SH3GL1: variants seen among roughly 807,000 people sequenced by gnomAD.
SH3GL1 encodes the protein SH3 domain containing GRB2 like 1, endophilin A2.
A neutral mutation model predicts 48.8 loss-of-function variants in SH3GL1; 21 were observed. That is an observed-to-expected ratio of 0.43 (90% confidence interval 0.30 to 0.62). SH3GL1 has a LOEUF of 0.62. Ranked by LOEUF, SH3GL1 falls within the 20% of genes least tolerant of loss-of-function variation. The probability of loss-of-function intolerance (pLI) is 0.11; values close to 1 mark genes in which losing one functional copy is unlikely to be tolerated. For synonymous variants in SH3GL1, 282 were observed against 217.5 expected (o/e 1.30, Z -2.61); for missense variants, 454 against 503.0 (o/e 0.90, Z 0.93).
chr19:4,385,874 C>T (rs1437466292), intron 1 of SH3GL1, among the ~76,000 whole-genome samples: 2 of 152,242 alleles, frequency 1.3e-5, no homozygotes, highest in Admixed American at 6.5e-5. Flanking sequence ...ACCCACACTA[C>T]GCTCAGCCAG....
chr19:4,373,823 T>C (rs1972950914), intron 1 of SH3GL1, among the ~76,000 whole-genome samples: 1 of 152,164 alleles, frequency 6.6e-6, no homozygotes, highest in African/African-American at 2.4e-5. Context: ...GCCACAGACT[T>C]CCTGGCCAGA....
intron 1 of SH3GL1, among the ~76,000 whole-genome samples, chr19:4,382,763 C>A (rs1340602349): frequency 6.6e-6 from 1 of 152,136 alleles, no homozygotes; most frequent in Non-Finnish European, 1.5e-5. Context: ...CATCACTTCT[C>A]GTTATTCGTG....
rs372317180 is a variant in SH3GL1 at position 4,365,669 on chromosome 19, C to A, written c.188-44G>T. The A allele has an allele frequency of 4.3e-6, 7 of 1,610,240 alleles. No individual in the cohort carries two copies. The South Asian group carries it at 6.6e-5, about 15-fold the overall frequency. ...GTGGGTGTGGGCTGTGAGGCCTGCA[C>A]TCCTCTGCCCTGGCAGACTGCAGCC... On this transcript the variant is annotated intron_variant, in intron 3 of 9. Transcript: ENST00000269886.
chr19:4,397,733 T>A lies in SH3GL1; in HGVS notation c.45+2591A>T, dbSNP rs1473310631. ...GGCAAGGGGGTGGGACTGTTCTCAG[T>A]GACAACTCTAAAATTCGTCTGGATT... On this transcript the variant is annotated intron_variant, in intron 1 of 9. Coordinates refer to ENST00000269886, the MANE Select transcript of SH3GL1 (RefSeq NM_003025.4). 2.6e-5 allele frequency among the ~76,000 whole-genome samples: 4 copies of A among 152,216 alleles called. No individual in the cohort carries two copies. The East Asian group carries it at 7.7e-4, about 29-fold the overall frequency.
intron 1 of SH3GL1, among the ~76,000 whole-genome samples, chr19:4,399,942 GACGCA>G (rs2144937471): frequency 6.6e-6 from 1 of 152,320 alleles, no homozygotes; most frequent in South Asian, 2.1e-4. Context: ...AACTGCTCTA[GACGCA>G]ACTTTTCCCT....
Position 4,376,463 on chromosome 19 carries a change from G to A in SH3GL1, c.46-9469C>T, listed in dbSNP as rs866688112. On this transcript the variant is annotated intron_variant, in intron 1 of 9. Transcript: ENST00000269886. This position sits in a 1 kb window ranked among gnomAD's most constrained non-coding sequence, Gnocchi z 4.3. ...TTGGCCTCCAGTGCTTGCCTCTCCC[G>A]TGTCCTATCCGCCCAGACCTCAGAC... Among the ~76,000 whole-genome samples, 5 of 152,166 alleles carry A rather than the reference G, an allele frequency of 3.3e-5. No individual in the cohort carries two copies. The South Asian group carries it at 6.2e-4, about 19-fold the overall frequency.
At chr19:4,394,817 T>C (rs1973397005) in intron 1 of SH3GL1, among the ~76,000 whole-genome samples, 2 of 152,234 alleles carry the variant, frequency 1.3e-5, no homozygotes, top group African/African-American at 4.8e-5. Context: ...TCAACTCTAC[T>C]GACGTAGGGC....
intron 2 of SH3GL1, 40 bp from the exon 3 acceptor site, chr19:4,366,613 G>A: frequency 1.9e-6 from 3 of 1,576,858 alleles, no homozygotes; most frequent in Non-Finnish European, 2.6e-6. Context: ...ACAGCCAGTG[G>A]GGGCCCAAGG....
chr19:4,379,858 C>A (rs556944852), intron 1 of SH3GL1, among the ~76,000 whole-genome samples: 36 of 152,310 alleles, frequency 2.4e-4, no homozygotes, highest in African/African-American at 8.7e-4. Flanking sequence ...CAGCCCTGCC[C>A]CCCAAGGCTT....
rs1973294505 is a variant in SH3GL1, at chr19:4,389,412, T to G, written c.45+10912A>C. 6.8e-6 allele frequency among the ~76,000 whole-genome samples: 1 copy of G among 146,102 alleles called. No individual in the cohort carries two copies. Among genetic ancestry groups the G allele is most frequent in the African/African-American group, 2.6e-5 (1 of 39,204 alleles). Reference sequence around the variant, plus strand: ...GGGCAGACAGGAAGTGGAGAGAAAATGAGGTTGGGAGGTAGGAGAGGCCGG... The same window carrying G: ...GGGCAGACAGGAAGTGGAGAGAAAAGGAGGTTGGGAGGTAGGAGAGGCCGG... On this transcript the variant is annotated intron_variant, in intron 1 of 9. Coordinates refer to ENST00000269886, the MANE Select transcript of SH3GL1 (RefSeq NM_003025.4). This position sits in a 1 kb window ranked among gnomAD's most constrained non-coding sequence, Gnocchi z 4.5.
In SH3GL1 at chr19:4,361,475, G is replaced by T. The variant is rs920569125; in HGVS notation, c.*125C>A. On this transcript the variant is annotated 3_prime_UTR_variant, in exon 10 of 10. Coordinates refer to ENST00000269886, the MANE Select transcript of SH3GL1 (RefSeq NM_003025.4). The stretch of plus-strand genomic sequence containing the variant: ...CTGCTCAGGGAGTACCTCAAGGGCC[G>T]GGGCCCAGGTGGCGCCGGCAGGCTC... 2.8e-6 allele frequency: 2 copies of T among 702,416 alleles called. No homozygotes were observed. The highest frequency in any genetic ancestry group is 5.1e-5 in the Admixed American group (2 of 39,574). 43.5% of individuals were successfully genotyped at this position (702,416 alleles called of 1,614,324 possible). A position where few individuals can be genotyped will look rare whatever the true frequency, so the allele number is the denominator to read the frequency against.
chr19:4,371,408 A>G (rs1972897615), intron 1 of SH3GL1, among the ~76,000 whole-genome samples: 1 of 152,216 alleles, frequency 6.6e-6, no homozygotes, highest in African/African-American at 2.4e-5. Context: ...AATCCTGCCG[A>G]GTGGAGCTGG....
Position 4,367,228 on chromosome 19 carries a change from T to C in SH3GL1, c.46-234A>G, listed in dbSNP as rs1311753937. ...GGTGGGGGTGGCCTGCCCACCTGTG[T>C]GTGTCCCGACTGCCACTCACATACC... On this transcript the variant is annotated intron_variant, in intron 1 of 9. Coordinates refer to ENST00000269886, the MANE Select transcript of SH3GL1 (RefSeq NM_003025.4). This position sits in a 1 kb window ranked among gnomAD's most constrained non-coding sequence, Gnocchi z 4.2. 6.6e-6 allele frequency among the ~76,000 whole-genome samples: 1 copy of C among 152,128 alleles called. No homozygotes were observed. The highest frequency in any genetic ancestry group is 2.4e-5 in the African/African-American group (1 of 41,440).
chr19:4,400,239 C>T lies in SH3GL1; in HGVS notation c.45+85G>A. ...ACGTCCCCACCTCGGTCCCCCCGGC[C>T]CCCTCCCGGGCCAGGTCGGGCCTGG... On this transcript the variant is annotated intron_variant, in intron 1 of 9. Coordinates refer to ENST00000269886, the MANE Select transcript of SH3GL1 (RefSeq NM_003025.4). The surrounding 1 kb of genome is among the most constrained non-coding windows in gnomAD (Gnocchi z 4.1). 6.9e-7 allele frequency: 1 copy of T among 1,452,282 alleles called. No homozygotes were observed. The allele number at this position is 1,452,282 out of a possible 1,614,324, so 90.0% of individuals were successfully genotyped here.
chr19:4,368,996 C>T (rs901345981), intron 1 of SH3GL1, among the ~76,000 whole-genome samples: 8 of 152,046 alleles, frequency 5.3e-5, no homozygotes, highest in African/African-American at 9.7e-5. Flanking sequence ...GGTGTGAACC[C>T]GGGAGGTGGA....
chr19:4,366,688 C>T, intron 2 of SH3GL1, 115 bp from the exon 3 acceptor site: 1 of 1,037,720 alleles, frequency 9.6e-7, no homozygotes, highest in East Asian at 2.5e-5. Context: ...CCCCCCAACC[C>T]CCTCTCCATG....
At chr19:4,362,193 C>A (rs1228811361) in intron 9 of SH3GL1, 136 bp downstream of exon 9, 1 of 898,634 alleles carries the variant, frequency 1.1e-6, no homozygotes, top group Non-Finnish European at 1.8e-6. Context: ...GGCTGTGGGG[C>A]CTGTGCCCCC....
At chr19:4,366,367 C>T in intron 3 of SH3GL1, 134 bp downstream of exon 3, 1 of 693,878 alleles carries the variant, frequency 1.4e-6, no homozygotes, top group Non-Finnish European at 2.5e-6. Flanking sequence ...CAAGGATGGC[C>T]TCTGCACTCC....
At chr19:4,365,223 T>C (rs947164313) in intron 4 of SH3GL1, among the ~76,000 whole-genome samples, 1 of 152,122 alleles carries the variant, frequency 6.6e-6, no homozygotes, top group Non-Finnish European at 1.5e-5. Context: ...GAAGGACAGA[T>C]GCTGGGGGGT....
Sources: allele counts gnomAD v4.1 joint callset (sites outside exome capture counted in the v4.1 genomes callset), GRCh38; gene constraint gnomAD v4.1.1; non-coding constraint Gnocchi (gnomAD v3.1); transcripts MANE v1.5; gene names NCBI Gene and HGNC (gene_info 2026-07-23, HGNC 2026-07-21).